Variants in KAZN observed in about 807,000 individuals in gnomAD.
KAZN encodes the protein kazrin, periplakin interacting protein, also known as kazrin.
Under a neutral mutation model 87.4 loss-of-function variants are expected in KAZN, and 40 were observed. The observed-to-expected ratio is 0.46, with a 90% CI of 0.36 to 0.60. The LOEUF is 0.60. KAZN is among the 20% of genes least tolerant of loss of function. The probability of loss-of-function intolerance (pLI) is 0.00; values close to 1 mark genes in which losing one functional copy is unlikely to be tolerated. For missense variants in KAZN, 898 were observed against 1,073.9 expected, an observed-to-expected ratio of 0.84 and a Z score of 2.29; for synonymous variants, 466 against 458.3, an observed-to-expected ratio of 1.02 and a Z score of -0.22.
intron 1 of KAZN, among the ~76,000 whole-genome samples, chr1:14,922,829 G>A (rs1256227744): frequency 6.6e-6 from 1 of 151,698 alleles, no homozygotes; most frequent in Non-Finnish European, 1.5e-5. Flanking sequence ...AGCTAGACAG[G>A]GCAGGGGTTC....
At chr1:14,025,378 A>G (rs189267658) in intron 1 of KAZN, among the ~76,000 whole-genome samples, 79 of 152,316 alleles carry the variant, frequency 5.2e-4, no homozygotes, top group Admixed American at 3.4e-3. Context: ...GCTAGATTCT[A>G]GCTCCTCAAA....
intron 1 of KAZN, among the ~76,000 whole-genome samples, chr1:14,600,269 T>C (rs545347695): frequency 2.0e-5 from 3 of 152,306 alleles, no homozygotes; most frequent in African/African-American, 4.8e-5. Flanking sequence ...AAGGTACCAA[T>C]TGCTCAGTGG....
chr1:14,780,749 T>C (rs1039898878), intron 1 of KAZN, among the ~76,000 whole-genome samples: 3 of 152,146 alleles, frequency 2.0e-5, no homozygotes, highest in Non-Finnish European at 4.4e-5. Context: ...CAGGTGATGA[T>C]CGTGTATGAT....
intron 1 of KAZN, among the ~76,000 whole-genome samples, chr1:14,957,320 C>A (rs1404755703): frequency 1.3e-5 from 2 of 152,212 alleles, no homozygotes; most frequent in Non-Finnish European, 2.9e-5. Flanking sequence ...GGGGCATTCA[C>A]CCCAGTGCCC....
At chr1:14,321,978 T>G (rs1656080124) in intron 2 of KAZN, among the ~76,000 whole-genome samples, 1 of 152,204 alleles carries the variant, frequency 6.6e-6, no homozygotes, top group South Asian at 2.1e-4. Context: ...AGAGCCAGTT[T>G]GCTTCAACAG....
chr1:14,060,521 G>A (rs1642753971), intron 1 of KAZN, among the ~76,000 whole-genome samples: 1 of 152,132 alleles, frequency 6.6e-6, no homozygotes, highest in Admixed American at 6.5e-5. Flanking sequence ...TCAGATCAAG[G>A]TTTAATTCAA....
intron 2 of KAZN, among the ~76,000 whole-genome samples, chr1:14,413,059 T>C (rs1664434537): frequency 1.3e-5 from 2 of 149,374 alleles, no homozygotes; most frequent in South Asian, 4.2e-4. Context: ...CTGAGCATTC[T>C]ACTTTGGGTC....
At chr1:14,419,349 C>T (rs992383174) in intron 2 of KAZN, among the ~76,000 whole-genome samples, 1 of 152,194 alleles carries the variant, frequency 6.6e-6, no homozygotes, top group African/African-American at 2.4e-5. Flanking sequence ...GATCTTTCCA[C>T]CCTGCCCGGC....
intron 8 of KAZN, among the ~76,000 whole-genome samples, chr1:15,078,694 TAAC>T (rs1262927655): frequency 6.6e-6 from 1 of 152,128 alleles, no homozygotes; most frequent in African/African-American, 2.4e-5. Context: ...CTGAACATAT[TAAC>T]AGATTCTAGA....
chr1:14,822,431 C>T (rs16850908), intron 1 of KAZN, among the ~76,000 whole-genome samples: 1 of 152,148 alleles, frequency 6.6e-6, no homozygotes. Flanking sequence ...CTCAGGGTTG[C>T]TTACATGGTG....
At chr1:15,032,785 C>A (rs1671859177) in intron 2 of KAZN, among the ~76,000 whole-genome samples, 2 of 151,890 alleles carry the variant, frequency 1.3e-5, no homozygotes, top group Admixed American at 6.6e-5. Flanking sequence ...CCCATCTCTA[C>A]TAAAAATACA....
chr1:14,065,342 C>T (rs981582510), intron 1 of KAZN, among the ~76,000 whole-genome samples: 6 of 151,954 alleles, frequency 3.9e-5, no homozygotes, highest in East Asian at 3.9e-4. Flanking sequence ...AAAGCTTTCA[C>T]GGTAACACAC....
At chr1:14,833,039 TTTAC>T (rs1647097352) in intron 1 of KAZN, among the ~76,000 whole-genome samples, 2 of 152,286 alleles carry the variant, frequency 1.3e-5, no homozygotes, top group South Asian at 4.2e-4. Context: ...TAATGAATAA[TTTAC>T]TTAATCATAA....
chr1:14,779,356 G>T (rs948253579), intron 1 of KAZN, among the ~76,000 whole-genome samples: 1 of 152,208 alleles, frequency 6.6e-6, no homozygotes, highest in Non-Finnish European at 1.5e-5. Context: ...TCCCTCTGGG[G>T]CTTTTCTGGA....
chr1:14,309,217 TA>T (rs1557630865), intron 2 of KAZN, among the ~76,000 whole-genome samples: 1 of 152,038 alleles, frequency 6.6e-6, no homozygotes, highest in East Asian at 1.9e-4. Context: ...GCAACCCTTT[TA>T]AAAAAAATTG....
chr1:14,745,474 G>T (rs1644239397), intron 1 of KAZN, among the ~76,000 whole-genome samples: 1 of 152,104 alleles, frequency 6.6e-6, no homozygotes, highest in Middle Eastern at 3.2e-3. Context: ...AGTGATTGCT[G>T]CTCCTACAAC....
chr1:14,426,142 A>C (rs929028984), intron 2 of KAZN, among the ~76,000 whole-genome samples: 6 of 152,108 alleles, frequency 3.9e-5, no homozygotes, highest in Non-Finnish European at 8.8e-5. Context: ...TCTTCCTCAG[A>C]CACACCAAGC....
intron 1 of KAZN, among the ~76,000 whole-genome samples, chr1:14,028,808 AT>A (rs1370863669): frequency 6.6e-6 from 1 of 151,996 alleles, no homozygotes; most frequent in African/African-American, 2.4e-5. Context: ...TGAACTCATC[AT>A]TTTTTATGGC....
At chr1:14,787,475 T>C (rs1003948147) in intron 1 of KAZN, among the ~76,000 whole-genome samples, 5 of 152,194 alleles carry the variant, frequency 3.3e-5, no homozygotes, top group Admixed American at 1.3e-4. Flanking sequence ...ATCTTTTCTG[T>C]CCATAAAATG....
Sources: allele counts gnomAD v4.1 joint callset (sites outside exome capture counted in the v4.1 genomes callset), GRCh38; gene constraint gnomAD v4.1.1; transcripts MANE v1.5; gene names NCBI Gene and HGNC (gene_info 2026-07-23, HGNC 2026-07-21).